Variants in CDS2 observed in about 807,000 individuals in gnomAD.
CDS2 encodes phosphatidate cytidylyltransferase 2.
Under a neutral mutation model 59.0 loss-of-function variants are expected in CDS2, and 47 were observed. That is an observed-to-expected ratio of 0.80 (90% CI 0.63 to 1.02). CDS2 has a LOEUF of 1.02. Ranked by LOEUF, CDS2 falls within the 50% of genes least tolerant of loss-of-function variation. The pLI is 0.00. For missense variants in CDS2, 356 were observed against 558.9 expected, an observed-to-expected ratio of 0.64 and a Z score of 3.66; for synonymous variants, 207 against 206.4, an observed-to-expected ratio of 1.00 and a Z score of -0.02.
At chr20:5,185,097 C>A (rs1450442403) in intron 8 of CDS2, 152 bp downstream of exon 8, 4 of 611,706 alleles carry the variant, frequency 6.5e-6, no homozygotes, top group Non-Finnish European at 1.2e-5. Context: ...AAGGAAAACA[C>A]TGACAACTGA....
intron 1 of CDS2, among the ~76,000 whole-genome samples, chr20:5,152,445 A>G (rs969472397): frequency 6.6e-6 from 1 of 152,194 alleles, no homozygotes; most frequent in Non-Finnish European, 1.5e-5. Flanking sequence ...TGGCATAAGA[A>G]TTAGTCTCCA....
chr20:5,191,648 C>G lies in CDS2; in HGVS notation c.*1414C>G, dbSNP rs1402688480. ...TGTTTGTAAATTAGCCTCACTGCCT[C>G]CCTGAAAGTGCACAGTCAGCCCAGG... is the stretch of plus-strand genomic sequence containing the variant. On this transcript the variant is annotated 3_prime_UTR_variant, in exon 13 of 13. Coordinates refer to ENST00000460006, the MANE Select transcript of CDS2 (RefSeq NM_003818.4). The G allele has an allele frequency of 6.6e-6, 1 of 152,214 alleles. No individual in the cohort carries two copies. Among genetic ancestry groups the G allele is most frequent in the African/African-American group, 2.4e-5 (1 of 41,424 alleles). 9.4% of individuals were successfully genotyped at this position (152,214 alleles called of 1,614,324 possible).
chr20:5,148,337 G>A (rs1292691880), intron 1 of CDS2, among the ~76,000 whole-genome samples: 1 of 152,122 alleles, frequency 6.6e-6, no homozygotes, highest in Admixed American at 6.5e-5. Flanking sequence ...CAGCTTTATG[G>A]GGGCACTTCT....
rs185281313 is a variant in CDS2 at position 5,188,118 on chromosome 20, G to A, written c.982-949G>A. ...GAAAAAACACAAACATATTTGACAC[G>A]GTATAATGAAATGTGTCTACATTTG... is the stretch of plus-strand genomic sequence containing the variant. On this transcript the variant is annotated intron_variant, in intron 10 of 12. Coordinates refer to ENST00000460006, the MANE Select transcript of CDS2 (RefSeq NM_003818.4). Among the ~76,000 whole-genome samples, 8 of 151,688 alleles carry A rather than the reference G, an allele frequency of 5.3e-5. No homozygotes were observed. In the East Asian group the frequency reaches 1.2e-3, roughly 22 times the overall value.
chr20:5,185,220 A>G (rs377495141), intron 8 of CDS2, among the ~76,000 whole-genome samples: 2 of 152,168 alleles, frequency 1.3e-5, no homozygotes, highest in Non-Finnish European at 2.9e-5. Flanking sequence ...CAGGTGTTCA[A>G]AAGCAGCCTG....
chr20:5,176,700 A>C lies in CDS2; in HGVS notation c.344A>C (p.Asn115Thr). 6.2e-7 allele frequency: 1 copy of C among 1,614,132 alleles called. No homozygotes were observed. ...CATGAGATAATCACTATTGGCTACA[A>C]CGTCTACCACTCATATGATCTGCCC... ...CFHEIITIGY[N>T]VYHSYDLPWF... is the part of the protein sequence containing the mutation. The change falls in exon 4 of 13, where the codon AAC becomes ACC. Residue 115 changes from asparagine (N) to threonine (T), a missense_variant. Asn to Thr is a moderately conservative substitution (Grantham distance 65). Transcript: ENST00000460006.
At chr20:5,139,832 T>C (rs1395957680) in intron 1 of CDS2, among the ~76,000 whole-genome samples, 1 of 147,444 alleles carries the variant, frequency 6.8e-6, no homozygotes, top group Non-Finnish European at 1.5e-5. Flanking sequence ...GGAGTCTCAC[T>C]CTATTGCCCA....
At chr20:5,167,561 TA>T (rs1474141941) in intron 1 of CDS2, among the ~76,000 whole-genome samples, 3 of 152,202 alleles carry the variant, frequency 2.0e-5, no homozygotes, top group African/African-American at 4.8e-5. Flanking sequence ...TATATATGTA[TA>T]TTTTTTTTCA....
intron 1 of CDS2, among the ~76,000 whole-genome samples, chr20:5,148,253 G>T (rs948048168): frequency 5.9e-5 from 9 of 152,190 alleles, no homozygotes; most frequent in African/African-American, 2.2e-4. Flanking sequence ...ACAGGTACCA[G>T]TGTGGCTGAG....
chr20:5,143,965 A>G (rs1336649339), intron 1 of CDS2, among the ~76,000 whole-genome samples: 2 of 151,816 alleles, frequency 1.3e-5, no homozygotes, highest in African/African-American at 4.8e-5. Flanking sequence ...GGGTTTTCCC[A>G]TGTTGGCCAG....
chr20:5,171,382 A>G, intron 1 of CDS2, among the ~76,000 whole-genome samples: 1 of 152,228 alleles, frequency 6.6e-6, no homozygotes, highest in Non-Finnish European at 1.5e-5. Context: ...TCTGGAGCGC[A>G]GTCCCTGCAG....
intron 1 of CDS2, among the ~76,000 whole-genome samples, chr20:5,146,115 G>T (rs539149843): frequency 6.6e-6 from 1 of 152,124 alleles, no homozygotes; most frequent in Non-Finnish European, 1.5e-5. Context: ...GAACCACTGC[G>T]CCCATCCAAT....
At chr20:5,176,359 C>T (rs1192558739) in intron 3 of CDS2, 1 of 273,876 alleles carries the variant, frequency 3.7e-6, no homozygotes, top group Admixed American at 4.4e-5. Context: ...GAGTTCAAGA[C>T]CAGCCTGGGC....
chr20:5,184,817 T>G lies in CDS2; in HGVS notation c.672-41T>G. The G allele has an allele frequency of 6.9e-7, 1 of 1,445,634 alleles. No individual in the cohort carries two copies. The highest frequency in any genetic ancestry group is 9.7e-7 in the Non-Finnish European group (1 of 1,026,706). 89.6% of individuals were successfully genotyped at this position (1,445,634 alleles called of 1,614,324 possible). A position where few individuals can be genotyped will look rare whatever the true frequency, so the allele number is the denominator to read the frequency against. Reference sequence around the variant, plus strand: ...TATTTTGTGTACTTTTGAGGTACTGTCACCTTGCTTGAGTTGATCCTTACT... The same window carrying G: ...TATTTTGTGTACTTTTGAGGTACTGGCACCTTGCTTGAGTTGATCCTTACT... On this transcript the variant is annotated intron_variant, in intron 7 of 12. Transcript: ENST00000460006. This position sits in a 1 kb window ranked among gnomAD's most constrained non-coding sequence, Gnocchi z 4.3.
intron 1 of CDS2, among the ~76,000 whole-genome samples, chr20:5,168,417 CAAA>C (rs71332877): frequency 7.8e-4 from 56 of 71,502 alleles, no homozygotes; most frequent in Middle Eastern, 7.8e-3. Flanking sequence ...TCTGTCCCCC[CAAA>C]AAAAAAAAAA....
intron 1 of CDS2, among the ~76,000 whole-genome samples, chr20:5,173,084 C>T (rs996567206): frequency 3.6e-4 from 55 of 152,334 alleles, no homozygotes; most frequent in African/African-American, 1.3e-3. Context: ...GGACTTGGGA[C>T]ATGTTGACAT....
At position 5,175,281 on chromosome 20, in the gene CDS2, T is replaced by C. The variant is rs1381282255; in HGVS notation, c.291+2T>C. The C allele has an allele frequency of 2.5e-6, 4 of 1,610,502 alleles. No individual in the cohort carries two copies. Among genetic ancestry groups the C allele is most frequent in the Non-Finnish European group, 3.4e-6 (4 of 1,176,726 alleles). ...GGACCAATGGTTTTGATGATAATCG[T>C]AAGTGCCATTTCACACTATTTTAGT... is the stretch of plus-strand genomic sequence containing the variant. On this transcript the variant is annotated splice_donor_variant, in intron 3 of 12. Transcript: ENST00000460006. LOFTEE classifies it high-confidence loss of function.
chr20:5,180,131 C>A (rs1283899881), intron 5 of CDS2, among the ~76,000 whole-genome samples: 1 of 152,184 alleles, frequency 6.6e-6, no homozygotes, highest in Admixed American at 6.5e-5. Flanking sequence ...TTTTGAGGAT[C>A]TCCGCATGTT....
chr20:5,164,148 T>C (rs2090896587), intron 1 of CDS2, among the ~76,000 whole-genome samples: 1 of 152,128 alleles, frequency 6.6e-6, no homozygotes, highest in Admixed American at 6.5e-5. Flanking sequence ...GTTAATTCCA[T>C]GTTCTTCAAG....
Sources: allele counts gnomAD v4.1 joint callset (sites outside exome capture counted in the v4.1 genomes callset), GRCh38; gene constraint gnomAD v4.1.1; non-coding constraint Gnocchi (gnomAD v3.1); transcripts MANE v1.5; gene names NCBI Gene and HGNC (gene_info 2026-07-23, HGNC 2026-07-21).